The following RABGEF1 variants were observed in gnomAD, a reference collection of about 807,000 sequenced individuals.
The protein encoded by RABGEF1 is rab5 GDP/GTP exchange factor.
A neutral mutation model predicts 57.3 loss-of-function variants in RABGEF1; 26 were observed. That is an observed-to-expected ratio of 0.45 (90% CI 0.33 to 0.63). The LOEUF is 0.63. Ranked by LOEUF, RABGEF1 falls within the 20% of genes least tolerant of loss-of-function variation. RABGEF1 has a pLI of 0.02. For missense variants in RABGEF1, 464 were observed against 607.6 expected, an observed-to-expected ratio of 0.76 and a Z score of 2.48; for synonymous variants, 185 against 210.7, an observed-to-expected ratio of 0.88 and a Z score of 1.06.
At chr7:66,666,758 G>A in the RABGEF1 span, among the ~76,000 whole-genome samples, 8 of 152,340 alleles carry the variant, frequency 5.3e-5, no homozygotes, top group East Asian at 5.8e-4. Context: ...CTGGGTGGGC[G>A]TCCAGGCTTT....
chr7:66,705,443 A>AAGACAAAGAGAGAGAGAGAGAGAGAGAG (rs540794271), intron 1 of RABGEF1, among the ~76,000 whole-genome samples: 2 of 66,350 alleles, frequency 3.0e-5, no homozygotes, highest in East Asian at 5.1e-4. Flanking sequence ...TCTCGAAAGA[A>AAGACAAAGAGAGAGAGAGAGAGAGAGAG]AGAGAGAGAG....
At chr7:66,664,092 AAAAG>A in the RABGEF1 span, among the ~76,000 whole-genome samples, 1 of 151,978 alleles carries the variant, frequency 6.6e-6, no homozygotes, top group Non-Finnish European at 1.5e-5. Flanking sequence ...AAAAAAAAAA[AAAAG>A]CTAACATGAA....
chr7:66,753,792 T>C (rs1408624547), intron 1 of RABGEF1, among the ~76,000 whole-genome samples: 1 of 142,708 alleles, frequency 7.0e-6, no homozygotes, highest in African/African-American at 2.6e-5. Context: ...CTGCAACCTC[T>C]GCCTCCCGGG....
chr7:66,680,413 T>G (rs1789618523), upstream of RABGEF1, among the ~76,000 whole-genome samples: 1 of 151,978 alleles, frequency 6.6e-6, no homozygotes, highest in Non-Finnish European at 1.5e-5. Flanking sequence ...CCCAGCTAAT[T>G]TTGTATTTTT....
At chr7:66,712,061 T>C (rs1794843423) in intron 1 of RABGEF1, 2 of 152,218 alleles carry the variant, frequency 1.3e-5, no homozygotes, top group Admixed American at 6.5e-5. Context: ...AAATTTGCTT[T>C]GGCTATTCTA....
intron 8 of RABGEF1, among the ~76,000 whole-genome samples, chr7:66,807,305 C>T (rs978219365): frequency 3.3e-5 from 5 of 152,218 alleles, no homozygotes; most frequent in African/African-American, 1.2e-4. Context: ...TTCCAGCTGA[C>T]GAACCCCACG....
chr7:66,730,819 A>C (rs1169754055), intron 2 of RABGEF1, among the ~76,000 whole-genome samples: 1 of 152,032 alleles, frequency 6.6e-6, no homozygotes, highest in Non-Finnish European at 1.5e-5. Context: ...AGCCTCCCAA[A>C]GTGCTGGGAT....
chr7:66,731,168 G>A (rs1043712875), intron 2 of RABGEF1, among the ~76,000 whole-genome samples: 2 of 152,220 alleles, frequency 1.3e-5, no homozygotes, highest in South Asian at 2.1e-4. Context: ...TGGCAGCAGA[G>A]TGGGGCTGGG....
intron 4 of RABGEF1, among the ~76,000 whole-genome samples, chr7:66,784,520 G>T (rs770341293): frequency 6.6e-6 from 1 of 152,194 alleles, no homozygotes; most frequent in African/African-American, 2.4e-5. Context: ...GATTAATTCT[G>T]TTGTAACATT....
At chr7:66,658,533 CAAAAAAAAAAAAAA>C in the RABGEF1 span, among the ~76,000 whole-genome samples, 1 of 75,564 alleles carries the variant, frequency 1.3e-5, no homozygotes, top group African/African-American at 5.4e-5. Flanking sequence ...ACTTCGTCTC[CAAAAAAAAAAAAAA>C]AAAAGAAAAA....
intron 1 of RABGEF1, among the ~76,000 whole-genome samples, chr7:66,756,234 A>T (rs1802681050): frequency 6.6e-6 from 1 of 152,078 alleles, no homozygotes; most frequent in Admixed American, 6.6e-5. Context: ...ACGTTAAATG[A>T]TTTTTTTTGT....
chr7:66,738,030 T>TTTTTTTTTTTTG (rs1562756395), upstream of RABGEF1, among the ~76,000 whole-genome samples: 30 of 146,934 alleles, frequency 2.0e-4, no homozygotes, highest in African/African-American at 4.3e-4. Flanking sequence ...TTTGTTTTTT[T>TTTTTTTTTTTTG]TTTTTTTTGA....
At chr7:66,701,761 G>A (rs1312310156) in intron 1 of RABGEF1, among the ~76,000 whole-genome samples, 1 of 152,012 alleles carries the variant, frequency 6.6e-6, no homozygotes, top group Non-Finnish European at 1.5e-5. Context: ...ACCCACCTCA[G>A]CCTCATTTAT....
chr7:66,734,220 C>T (rs1797669719), intron 2 of RABGEF1, among the ~76,000 whole-genome samples: 1 of 152,118 alleles, frequency 6.6e-6, no homozygotes, highest in Admixed American at 6.5e-5. Flanking sequence ...GCTGATGGGA[C>T]CTGGGAGGCA....
intron 2 of RABGEF1, among the ~76,000 whole-genome samples, chr7:66,774,997 ATG>A (rs1808181804): frequency 6.6e-6 from 1 of 152,174 alleles, no homozygotes. Flanking sequence ...GATTTCTTTC[ATG>A]TAACCCTAGA....
At chr7:66,773,954 C>G (rs1462487526) in intron 2 of RABGEF1, 1 of 384,058 alleles carries the variant, frequency 2.6e-6, no homozygotes, top group African/African-American at 2.1e-5. Context: ...GCGTGAGCCA[C>G]TGCACCTGGC....
At chr7:66,795,699 C>A in intron 5 of RABGEF1, 107 bp downstream of exon 5, 1 of 1,028,248 alleles carries the variant, frequency 9.7e-7, no homozygotes, top group Non-Finnish European at 1.5e-6. Flanking sequence ...TTGTAGACTT[C>A]ATCCTGTAAC....
the RABGEF1 span, among the ~76,000 whole-genome samples, chr7:66,672,842 T>A: frequency 1.3e-5 from 2 of 152,342 alleles, no homozygotes; most frequent in South Asian, 4.1e-4. Flanking sequence ...GTTTCCCCAG[T>A]GGGCTATCAG....
intron 1 of RABGEF1, among the ~76,000 whole-genome samples, chr7:66,761,824 G>T (rs1343884914): frequency 6.6e-6 from 1 of 152,158 alleles, no homozygotes; most frequent in Admixed American, 6.5e-5. Flanking sequence ...TTTGAGGTAG[G>T]CAGGTCACTT....
Sources: gnomAD v4.1 joint callset for allele counts (sites outside exome capture counted in the v4.1 genomes callset) on GRCh38, gnomAD v4.1.1 for gene constraint, MANE v1.5 for transcripts, NCBI Gene and HGNC (gene_info 2026-07-23, HGNC 2026-07-21) for gene names.